The following CHRNA4 variants were observed in gnomAD, a reference collection of about 807,000 sequenced individuals.
The protein encoded by CHRNA4 is neuronal acetylcholine receptor subunit alpha-4.
CHRNA4 carries 28 observed loss-of-function variants against 48.9 expected under a neutral mutation model. That is an observed-to-expected ratio of 0.57 (90% confidence interval 0.42 to 0.79). The LOEUF (loss-of-function observed/expected upper bound fraction) is 0.79. CHRNA4 is among the 30% of genes least tolerant of loss of function. The probability of loss-of-function intolerance (pLI) is 0.00; values close to 1 mark genes in which losing one functional copy is unlikely to be tolerated. For missense variants in CHRNA4, 859 were observed against 898.4 expected (o/e 0.96, Z 0.56); for synonymous variants, 425 against 402.3 (o/e 1.06, Z -0.68).
chr20:63,349,773 G>C lies in CHRNA4; in HGVS notation c.1638C>G (p.Val546=). ...EPSSVSPSAT[V]KTRSTKAPPP... is the part of the protein sequence containing the mutation. ...GCGGCGCTTTGGTGCTGCGGGTCTTGACCGTGGCGCTCGGGGACACCGAAG... is the reference window on the plus strand; with the variant it reads ...GCGGCGCTTTGGTGCTGCGGGTCTTCACCGTGGCGCTCGGGGACACCGAAG... Residue 546 remains valine, a synonymous_variant, in exon 5 of 6, where the codon GTC becomes GTG. Coordinates refer to ENST00000370263, the MANE Select transcript of CHRNA4 (RefSeq NM_000744.7). 1.9e-6 allele frequency: 3 copies of C among 1,611,100 alleles called. No homozygotes were observed. The highest frequency in any genetic ancestry group is 2.5e-6 in the Non-Finnish European group (3 of 1,178,712).
intron 5 of CHRNA4, 147 bp downstream of exon 5, chr20:63,349,506 C>T (rs2068547581): frequency 1.9e-6 from 2 of 1,069,896 alleles, no homozygotes; most frequent in Non-Finnish European, 2.8e-6. Flanking sequence ...TGGGAAGAGG[C>T]TGCTGCAGCA....
rs745790876 is a variant in CHRNA4 at position 63,350,699 on chromosome 20, C to T, written c.712G>A (p.Val238Ile). 1.6e-5 allele frequency: 26 copies of T among 1,613,740 alleles called. No homozygotes were observed. The highest frequency in any genetic ancestry group is 1.3e-4 in the Admixed American group (8 of 59,994). ...TAGAAGAGCGGCAGCCGCCGGATGA[C>T]GAAGGCATAGGTGATGTCCGGGTAG... Reference protein sequence around the residue: ...EIYPDITYAFVIRRLPLFYTI... With the variant: ...EIYPDITYAFIIRRLPLFYTI... Residue 238 changes from valine (V) to isoleucine (I), a missense_variant, in exon 5 of 6, where the codon GTC (valine) becomes ATC (isoleucine). Around this residue, in one of 3 missense-constraint regions of CHRNA4, gnomAD observed 342 missense variants for 365.3 expected, o/e 0.94. Coordinates refer to ENST00000370263, the MANE Select transcript of CHRNA4 (RefSeq NM_000744.7).
In CHRNA4 at chr20:63,348,705, G is replaced by T. The variant is rs113959722; in HGVS notation, c.1758+948C>A. Among the ~76,000 whole-genome samples the T allele has an allele frequency of 1.4e-3, 206 of 152,338 alleles. 1 individual carries two copies. The highest frequency in any genetic ancestry group is 4.7e-3 in the African/African-American group (197 of 41,568). On this transcript the variant is annotated intron_variant, in intron 5 of 5. Coordinates refer to ENST00000370263, the MANE Select transcript of CHRNA4 (RefSeq NM_000744.7). The stretch of plus-strand genomic sequence containing the variant: ...CGAATTGCCGCTGTGGACGTCATGG[G>T]CTGCACAGCCGAGGCCGAGACCCCC...
Position 63,344,282 on chromosome 20 carries a change from TC to T in CHRNA4, c.*2455del, listed in dbSNP as rs199666656. On this transcript the variant is annotated 3_prime_UTR_variant, in exon 6 of 6. Transcript: ENST00000370263. The surrounding 1 kb of genome is among the most constrained non-coding windows in gnomAD (Gnocchi z 4.5). ...GAGAGGTCAATCCACGGTGCTTAAG[TC>T]AGAGCCACAGATGGGGAGGGACGCC... 23,660 of 453,858 alleles carry T rather than the reference TC, an allele frequency of 0.052. 903 individuals carry two copies. The highest frequency in any genetic ancestry group is 0.11 in the South Asian group (6,929 of 64,442). 28.1% of individuals were successfully genotyped at this position (453,858 alleles called of 1,614,324 possible).
intron 4 of CHRNA4, among the ~76,000 whole-genome samples, chr20:63,352,257 C>T (rs1363766971): frequency 1.3e-5 from 2 of 152,196 alleles, no homozygotes; most frequent in South Asian, 4.1e-4. Context: ...TGCCTGCCCC[C>T]GAGTCCCAGG....
rs529411872 is a variant in CHRNA4 at position 63,345,582 on chromosome 20, C to T, written c.*1156G>A. 25 of 445,416 alleles carry T rather than the reference C, an allele frequency of 5.6e-5. No homozygotes were observed. The highest frequency in any genetic ancestry group is 3.9e-4 in the South Asian group (25 of 64,232). The allele number at this position is 445,416 out of a possible 1,614,324, so 27.6% of individuals were successfully genotyped here. A position where few individuals can be genotyped will look rare whatever the true frequency, so the allele number is the denominator to read the frequency against. On this transcript the variant is annotated 3_prime_UTR_variant, in exon 6 of 6. Transcript: ENST00000370263. The surrounding 1 kb of genome is among the most constrained non-coding windows in gnomAD (Gnocchi z 5.4). ...AGGGGTGAGGCTGTGCTGAGCTCTG[C>T]CTGCCCTGCCAGGACGGAGGGCATG...
rs752054605 is a variant in CHRNA4, at chr20:63,350,679, G to C, written c.732C>G (p.Leu244=). ...GGATGATGAGGTTGATGGTGTAGAA[G>C]AGCGGCAGCCGCCGGATGACGAAGG... ...TYAFVIRRLP[L]FYTINLIIPC... The change falls in exon 5 of 6, where the codon CTC becomes CTG. Residue 244 remains leucine (L), a synonymous_variant. Coordinates refer to ENST00000370263, the MANE Select transcript of CHRNA4 (RefSeq NM_000744.7). 6.2e-7 allele frequency: 1 copy of C among 1,614,024 alleles called. No individual in the cohort carries two copies. The highest frequency in any genetic ancestry group is 1.7e-5 in the Admixed American group (1 of 60,018).
chr20:63,345,212 C>A lies in CHRNA4; in HGVS notation c.*1526G>T, dbSNP rs1415409308. 2.2e-6 allele frequency: 1 copy of A among 445,986 alleles called. No homozygotes were observed. The highest frequency in any genetic ancestry group is 2.0e-5 in the African/African-American group (1 of 49,860). The allele number at this position is 445,986 out of a possible 1,614,324, so 27.6% of individuals were successfully genotyped here. ...GGCCCAGGAGAGCTCGGCTCGGGGA[C>A]AGAGGAATGAGACTCAGTGGGACGC... On this transcript the variant is annotated 3_prime_UTR_variant, in exon 6 of 6. Coordinates refer to ENST00000370263, the MANE Select transcript of CHRNA4 (RefSeq NM_000744.7). This position sits in a 1 kb window ranked among gnomAD's most constrained non-coding sequence, Gnocchi z 5.4.
At chr20:63,349,539 A>G in intron 5 of CHRNA4, 114 bp downstream of exon 5, 2 of 1,384,308 alleles carry the variant, frequency 1.4e-6, no homozygotes, top group East Asian at 4.6e-5. Context: ...TGCACCCCAA[A>G]GCGAAGCAGC....
intron 5 of CHRNA4, 84 bp downstream of exon 5, chr20:63,349,569 C>T: frequency 1.3e-6 from 2 of 1,565,306 alleles, no homozygotes; most frequent in Non-Finnish European, 1.7e-6. Flanking sequence ...GGGCCCGGCT[C>T]CTGGATTACA....
At chr20:63,347,044 CAG>C in intron 5 of CHRNA4, 181 bp from the exon 6 acceptor site, 1 of 828,998 alleles carries the variant, frequency 1.2e-6, no homozygotes, top group Non-Finnish European at 2.0e-6. Flanking sequence ...GTGCACGGGA[CAG>C]CCAGTGCTCT....
chr20:63,359,537 C>A lies in CHRNA4; in HGVS notation c.228+11G>T. 1 of 1,612,622 alleles carries A rather than the reference C, an allele frequency of 6.2e-7. No individual in the cohort carries two copies. On this transcript the variant is annotated intron_variant, in intron 2 of 5. Coordinates refer to ENST00000370263, the MANE Select transcript of CHRNA4 (RefSeq NM_000744.7). Reference sequence around the variant, plus strand: ...TCAGTCACAGTGCACGATGGCCACGCCCTCACCTACCACGTCAATGAGCTG... The same window carrying A: ...TCAGTCACAGTGCACGATGGCCACGACCTCACCTACCACGTCAATGAGCTG...
intron 2 of CHRNA4, among the ~76,000 whole-genome samples, chr20:63,357,819 G>A (rs963758680): frequency 2.0e-5 from 3 of 152,212 alleles, no homozygotes; most frequent in East Asian, 3.9e-4. Flanking sequence ...GTGCATGTTC[G>A]TGTAAGTCCT....
In CHRNA4 at chr20:63,349,892, C is replaced by G; in HGVS notation, c.1519G>C (p.Ala507Pro). 1 of 1,593,792 alleles carries G rather than the reference C, an allele frequency of 6.3e-7. No individual in the cohort carries two copies. The highest frequency in any genetic ancestry group is 8.6e-7 in the Non-Finnish European group (1 of 1,168,478). ...DAAPEADGQA[A>P]GALASRNTHS... ...GTGTTGCGAGAGGCCAGGGCGCCGG[C>G]AGCCTGGCCATCTGCCTCGGGGGCG... The change falls in exon 5 of 6, where the codon GCC becomes CCC. Residue 507 changes from alanine (A) to proline (P), a missense_variant. By Grantham distance (27) the Ala-to-Pro change is conservative. Around this residue, in one of 3 missense-constraint regions of CHRNA4, gnomAD observed 478 missense variants for 455.4 expected, o/e 1.05. Transcript: ENST00000370263.
At chr20:63,356,984 G>A (rs6090383) in intron 2 of CHRNA4, among the ~76,000 whole-genome samples, 34 of 14,496 alleles carry the variant, frequency 2.3e-3, no homozygotes, top group South Asian at 0.022. Flanking sequence ...ACAGGACCAC[G>A]TCCCCACCGA....
chr20:63,345,020 G>A lies in CHRNA4; in HGVS notation c.*1718C>T, dbSNP rs574721180. Reference sequence around the variant, plus strand: ...CGGTCACAGGCACCCGGGGGTGGGGGTGACCAGCAGCAGTTCAGAGGCAGG... The same window carrying A: ...CGGTCACAGGCACCCGGGGGTGGGGATGACCAGCAGCAGTTCAGAGGCAGG... On this transcript the variant is annotated 3_prime_UTR_variant, in exon 6 of 6. Coordinates refer to ENST00000370263, the MANE Select transcript of CHRNA4 (RefSeq NM_000744.7). This position sits in a 1 kb window ranked among gnomAD's most constrained non-coding sequence, Gnocchi z 5.4. The A allele has an allele frequency of 1.1e-5, 5 of 446,798 alleles. No homozygotes were observed. The highest frequency in any genetic ancestry group is 1.8e-5 in the Non-Finnish European group (4 of 221,024). 27.7% of individuals were successfully genotyped at this position (446,798 alleles called of 1,614,324 possible).
At position 63,350,043 on chromosome 20, in the gene CHRNA4, C is replaced by T; in HGVS notation, c.1368G>A (p.Gln456=). ...PGPCRPPHGT[Q]APGLAKARSL... ...ACCTGGCTTTGGCCAGCCCTGGTGC[C>T]TGGGTGCCGTGGGGCGGGCGGCAGG... is the stretch of plus-strand genomic sequence containing the variant. Residue 456 remains glutamine (Q), a synonymous_variant, in exon 5 of 6, where the codon CAG becomes CAA. Transcript: ENST00000370263. 6.6e-7 allele frequency: 1 copy of T among 1,515,790 alleles called. No individual in the cohort carries two copies. The highest frequency in any genetic ancestry group is 1.3e-5 in the South Asian group (1 of 76,242). 93.9% of individuals were successfully genotyped at this position (1,515,790 alleles called of 1,614,324 possible). A position where few individuals can be genotyped will look rare whatever the true frequency, so the allele number is the denominator to read the frequency against.
In CHRNA4 at chr20:63,344,566, A is replaced by G. The variant is rs1044528267; in HGVS notation, c.*2172T>C. Reference sequence around the variant, plus strand: ...ACCCCCGGCAGGAGGGTCCCCCGGCAGGAGCGTCCCAGCCACTCCGCAGTC... The same window carrying G: ...ACCCCCGGCAGGAGGGTCCCCCGGCGGGAGCGTCCCAGCCACTCCGCAGTC... On this transcript the variant is annotated 3_prime_UTR_variant, in exon 6 of 6. Coordinates refer to ENST00000370263, the MANE Select transcript of CHRNA4 (RefSeq NM_000744.7). The surrounding 1 kb of genome is among the most constrained non-coding windows in gnomAD (Gnocchi z 4.5). 12 of 452,778 alleles carry G rather than the reference A, an allele frequency of 2.7e-5. No homozygotes were observed. Among genetic ancestry groups the G allele is most frequent in the Non-Finnish European group, 4.9e-5 (11 of 226,514 alleles). 28.0% of individuals were successfully genotyped at this position (452,778 alleles called of 1,614,324 possible). A position where few individuals can be genotyped will look rare whatever the true frequency, so the allele number is the denominator to read the frequency against.
Position 63,350,884 on chromosome 20 carries a change from G to C in CHRNA4, c.527C>G (p.Thr176Ser), listed in dbSNP as rs768343743. The C allele has an allele frequency of 1.2e-6, 2 of 1,614,032 alleles. No individual in the cohort carries two copies. The highest frequency in any genetic ancestry group is 3.3e-4 in the Middle Eastern group (2 of 6,062). The change falls in exon 5 of 6, where the codon ACC (threonine) becomes AGC (serine). Residue 176 changes from threonine (T) to serine (S), a missense_variant. Transcript: ENST00000370263. ...GTAGGTCCAGGAGCCGAATTTCATG[G>C]TGCAGTTCTGCTGGTCGAAGGGGAA... Reference protein sequence around the residue: ...TFFPFDQQNCTMKFGSWTYDK... With the variant: ...TFFPFDQQNCSMKFGSWTYDK...
Sources: allele counts gnomAD v4.1 joint callset (sites outside exome capture counted in the v4.1 genomes callset), GRCh38; gene constraint gnomAD v4.1.1; regional missense constraint gnomAD v4.1.1; non-coding constraint Gnocchi (gnomAD v3.1); transcripts MANE v1.5; gene names NCBI Gene and HGNC (gene_info 2026-07-23, HGNC 2026-07-21).